Variants in ABCA13 observed in about 807,000 individuals in gnomAD.
ABCA13 encodes the protein ATP-binding cassette sub-family A member 13.
A neutral mutation model predicts 478.7 loss-of-function variants in ABCA13; 476 were observed. The observed-to-expected ratio is 0.99, with a 90% CI of 0.92 to 1.07. The LOEUF (loss-of-function observed/expected upper bound fraction) is 1.07. Ranked by LOEUF, ABCA13 falls within the 50% of genes least tolerant of loss-of-function variation. The pLI is 0.00. For synonymous variants in ABCA13, 2,252 were observed against 2,158.9 expected, an observed-to-expected ratio of 1.04 and a Z score of -1.20; for missense variants, 6,060 against 5,910.6, an observed-to-expected ratio of 1.03 and a Z score of -0.83.
intron 3 of ABCA13, among the ~76,000 whole-genome samples, chr7:48,209,852 CTTTA>C (rs760372592): frequency 1.4e-4 from 22 of 152,050 alleles, no homozygotes; most frequent in Non-Finnish European, 2.2e-4. Flanking sequence ...TTGCCTCAAA[CTTTA>C]TTTATTTGGG....
chr7:48,207,233 T>A (rs758941561), intron 3 of ABCA13, among the ~76,000 whole-genome samples: 19 of 152,180 alleles, frequency 1.2e-4, no homozygotes, highest in Non-Finnish European at 4.4e-5. Flanking sequence ...TTCCATAGCT[T>A]GGCTGTTTTG....
intron 41 of ABCA13, among the ~76,000 whole-genome samples, chr7:48,414,303 G>T (rs6966506): frequency 7.9e-5 from 12 of 151,776 alleles, no homozygotes; most frequent in Non-Finnish European, 1.8e-4. Context: ...GCTTTTCTTC[G>T]TGACACTTCT....
intron 55 of ABCA13, among the ~76,000 whole-genome samples, chr7:48,544,371 A>G (rs144923540): frequency 3.9e-4 from 60 of 152,002 alleles, no homozygotes; most frequent in African/African-American, 1.4e-3. Context: ...AGGTCACTTC[A>G]GGATGGGGCT....
chr7:48,278,253 T>G lies in ABCA13; in HGVS notation c.7059T>G (p.Phe2353Leu). 1 of 1,611,120 alleles carries G rather than the reference T, an allele frequency of 6.2e-7. No individual in the cohort carries two copies. Among genetic ancestry groups the G allele is most frequent in the Non-Finnish European group, 8.5e-7 (1 of 1,178,142 alleles). Residue 2353 changes from phenylalanine to leucine, a missense_variant, in exon 18 of 62, where the codon TTT (phenylalanine) becomes TTG (leucine). Physicochemically the swap from Phe to Leu is conservative, Grantham distance 22. Around this residue, in one of 3 missense-constraint regions of ABCA13, gnomAD observed 4,423 missense variants for 4,309.1 expected, o/e 1.03. Transcript: ENST00000435803. ...SFILDNGEFYFDTHQGLKFMQ... is the reference protein window; with the variant it reads ...SFILDNGEFYLDTHQGLKFMQ... ...TATTAGACAATGGAGAATTTTATTT[T>G]GATACTCATCAAGGACTGAAGTTCA... is the stretch of plus-strand genomic sequence containing the variant.
Position 48,431,168 on chromosome 7 carries a change from C to A in ABCA13, c.12565+3297C>A, listed in dbSNP as rs923880501. Among the ~76,000 whole-genome samples, 2 of 152,038 alleles carry A rather than the reference C, an allele frequency of 1.3e-5. 1 individual carries two copies. Among genetic ancestry groups the A allele is most frequent in the South Asian group, 4.2e-4 (2 of 4,816 alleles). The stretch of plus-strand genomic sequence containing the variant: ...CCCTTTTGTTATTAAAGTCCCATTT[C>A]ATTTTATTGTAATCTGAAAGAAACC... On this transcript the variant is annotated intron_variant, in intron 42 of 61. Coordinates refer to ENST00000435803, the MANE Select transcript of ABCA13 (RefSeq NM_152701.5).
intron 23 of ABCA13, among the ~76,000 whole-genome samples, chr7:48,308,861 C>T (rs906499623): frequency 3.3e-5 from 5 of 150,376 alleles, no homozygotes; most frequent in South Asian, 2.1e-4. Context: ...TACAGTGACA[C>T]GCTGTACAGG....
rs575647124 is a variant in ABCA13, at chr7:48,183,609, G to A, written c.70-9350G>A. 5.3e-5 allele frequency among the ~76,000 whole-genome samples: 8 copies of A among 152,258 alleles called. No homozygotes were observed. The South Asian group carries it at 1.7e-3, about 32-fold the overall frequency. On this transcript the variant is annotated intron_variant, in intron 1 of 61. Coordinates refer to ENST00000435803, the MANE Select transcript of ABCA13 (RefSeq NM_152701.5). Reference sequence around the variant, plus strand: ...AGAGCCTCATTCAGGGATTGTGTACGGCTCTGCTTCATTTAGTTTCACAAG... The same window carrying A: ...AGAGCCTCATTCAGGGATTGTGTACAGCTCTGCTTCATTTAGTTTCACAAG...
chr7:48,535,911 G>A (rs550850425), intron 55 of ABCA13, among the ~76,000 whole-genome samples: 1 of 152,262 alleles, frequency 6.6e-6, no homozygotes, highest in African/African-American at 2.4e-5. Context: ...TGGTGACCAG[G>A]GCTGAGAACT....
At chr7:48,486,025 G>C (rs1829262803) in intron 47 of ABCA13, among the ~76,000 whole-genome samples, 1 of 152,174 alleles carries the variant, frequency 6.6e-6, no homozygotes, top group South Asian at 2.1e-4. Flanking sequence ...CATTTTACAT[G>C]TATTCCAGCC....
chr7:48,328,870 A>T (rs1048141055), intron 27 of ABCA13, among the ~76,000 whole-genome samples: 1 of 152,164 alleles, frequency 6.6e-6, no homozygotes. Context: ...AAGGCTCACA[A>T]TTTGATATAT....
At chr7:48,186,395 G>A (rs1198828979) in intron 1 of ABCA13, among the ~76,000 whole-genome samples, 1 of 151,942 alleles carries the variant, frequency 6.6e-6, no homozygotes, top group Non-Finnish European at 1.5e-5. Context: ...TTTTTGATGA[G>A]TCTTCAGTAA....
intron 37 of ABCA13, among the ~76,000 whole-genome samples, chr7:48,389,626 T>A (rs1815741422): frequency 6.6e-6 from 1 of 152,246 alleles, no homozygotes; most frequent in African/African-American, 2.4e-5. Flanking sequence ...GCAAATTTTT[T>A]AAACACCTGA....
intron 20 of ABCA13, 113 bp downstream of exon 20, chr7:48,288,191 C>A: frequency 3.2e-6 from 3 of 951,494 alleles, no homozygotes; most frequent in South Asian, 3.0e-5. Context: ...GCAATGGTGT[C>A]ATACACAGTC....
chr7:48,278,735 A>G lies in ABCA13; in HGVS notation c.7541A>G (p.Asp2514Gly). 6.2e-7 allele frequency: 1 copy of G among 1,613,960 alleles called. No homozygotes were observed. The highest frequency in any genetic ancestry group is 8.5e-7 in the Non-Finnish European group (1 of 1,179,878). Residue 2514 changes from aspartate (D) to glycine (G), a missense_variant, in exon 18 of 62, where the codon GAT becomes GGT. Asp to Gly is a moderately conservative substitution (Grantham distance 94). Around this residue, in one of 3 missense-constraint regions of ABCA13, gnomAD observed 4,423 missense variants for 4,309.1 expected, o/e 1.03. Coordinates refer to ENST00000435803, the MANE Select transcript of ABCA13 (RefSeq NM_152701.5). ...TTGAATGACAGTGCTGACCTGAGAG[A>G]TCTTGCCACATCAATGGACTCCATT... ...MLLNDSADLR[D>G]LATSMDSIVK... is the part of the protein sequence containing the mutation.
rs376497539 is a variant in ABCA13, at chr7:48,352,527, G to A, written c.10688+40G>A. 7.4e-5 allele frequency: 112 copies of A among 1,510,978 alleles called. 1 individual carries two copies. The African/African-American group carries it at 1.5e-3, about 20-fold the overall frequency. The allele number at this position is 1,510,978 out of a possible 1,614,324, so 93.6% of individuals were successfully genotyped here. Reference sequence around the variant, plus strand: ...GCAGGAGCCACCGACAGTGAGAAGGGCCTTGCATTTGTCTAGCTGAGGAGA... The same window carrying A: ...GCAGGAGCCACCGACAGTGAGAAGGACCTTGCATTTGTCTAGCTGAGGAGA... On this transcript the variant is annotated intron_variant, in intron 31 of 61. Transcript: ENST00000435803.
chr7:48,447,381 C>G (rs965695439), intron 42 of ABCA13, among the ~76,000 whole-genome samples: 2 of 152,210 alleles, frequency 1.3e-5, no homozygotes, highest in African/African-American at 4.8e-5. Context: ...TAATCCATTT[C>G]TTTCTCCCTA....
chr7:48,626,710 G>C, intron 59 of ABCA13: 1 of 985,514 alleles, frequency 1.0e-6, no homozygotes, highest in Non-Finnish European at 1.2e-6. Flanking sequence ...ACAGCCGGCT[G>C]ATCTGAGCTT....
intron 55 of ABCA13, among the ~76,000 whole-genome samples, chr7:48,561,961 AG>A (rs1786502855): frequency 6.6e-6 from 1 of 152,056 alleles, no homozygotes; most frequent in Admixed American, 6.6e-5. Context: ...CTTTTCTGAA[AG>A]CTTTCTGAAT....
chr7:48,455,128 G>A lies in ABCA13; in HGVS notation c.12657G>A (p.Thr4219=), dbSNP rs1236153339. Residue 4219 remains threonine, a synonymous_variant, in exon 43 of 62, where the codon ACG becomes ACA. Transcript: ENST00000435803. ...TCCTGGCCCGGAGGCTCCGCCGCACGCTGCGCGCCGGGAAGAGCACCCTCG... is the reference window on the plus strand; with the variant it reads ...TCCTGGCCCGGAGGCTCCGCCGCACACTGCGCGCCGGGAAGAGCACCCTCG... ...AAILARRLRR[T]LRAGKSTLAD... 6.4e-7 allele frequency: 1 copy of A among 1,565,962 alleles called. No individual in the cohort carries two copies. The highest frequency in any genetic ancestry group is 8.7e-7 in the Non-Finnish European group (1 of 1,155,954).
Sources: allele counts gnomAD v4.1 joint callset (sites outside exome capture counted in the v4.1 genomes callset), GRCh38; gene constraint gnomAD v4.1.1; regional missense constraint gnomAD v4.1.1; transcripts MANE v1.5; gene names NCBI Gene and HGNC (gene_info 2026-07-23, HGNC 2026-07-21).